The following PCDHA4 variants were observed in gnomAD, a reference collection of about 807,000 sequenced individuals.
PCDHA4 encodes protocadherin alpha-4.
A neutral mutation model predicts 61.4 loss-of-function variants in PCDHA4; 49 were observed. That is an observed-to-expected ratio of 0.80 (90% CI 0.63 to 1.01). PCDHA4 has a LOEUF of 1.01. Ranked by LOEUF, PCDHA4 falls within the 50% of genes least tolerant of loss-of-function variation. PCDHA4 has a pLI of 0.00. For synonymous variants in PCDHA4, 590 were observed against 550.3 expected, an observed-to-expected ratio of 1.07 and a Z score of -1.01; for missense variants, 1,254 against 1,235.8, an observed-to-expected ratio of 1.01 and a Z score of -0.22.
intron 1 of PCDHA4, chr5:140,870,552 G>C: frequency 6.2e-7 from 1 of 1,614,042 alleles, no homozygotes; most frequent in Non-Finnish European, 8.5e-7. Flanking sequence ...ACGCGGACGC[G>C]CAGGAGAACG....
At chr5:140,877,177 C>A (rs1554169414) in intron 1 of PCDHA4, 1 of 1,613,802 alleles carries the variant, frequency 6.2e-7, no homozygotes. Context: ...GCTGGCGACT[C>A]CGGCTGGCAG....
At chr5:140,899,713 T>G (rs1336302647) in intron 1 of PCDHA4, among the ~76,000 whole-genome samples, 1 of 152,210 alleles carries the variant, frequency 6.6e-6, no homozygotes, top group Non-Finnish European at 1.5e-5. Context: ...TTAGGGAGGA[T>G]TCCCTCTTTT....
rs1554231011 is a variant in PCDHA4 at position 140,968,738 on chromosome 5, C to G, written c.2386-10211C>G. 10 of 1,614,040 alleles carry G rather than the reference C, an allele frequency of 6.2e-6. No individual in the cohort carries two copies. The Admixed American group carries it at 6.7e-5, about 11-fold the overall frequency. On this transcript the variant is annotated intron_variant, in intron 1 of 3. Transcript: ENST00000530339. ...AGATGAGAGTGGTAGCACTTTCAAC[C>G]TGACCGTGGTGGTCCGAGATAATGG...
rs1333608076 is a variant in PCDHA4, at chr5:140,848,470, A to C, written c.2385+38898A>C. Reference sequence around the variant, plus strand: ...TTCTAATTTGGAGGCAATTTTCACTAATTAGAAGAAGACTGAGTATTTGAA... The same window carrying C: ...TTCTAATTTGGAGGCAATTTTCACTCATTAGAAGAAGACTGAGTATTTGAA... On this transcript the variant is annotated intron_variant, in intron 1 of 3. Coordinates refer to ENST00000530339, the MANE Select transcript of PCDHA4 (RefSeq NM_018907.4). 3 of 1,552,738 alleles carry C rather than the reference A, an allele frequency of 1.9e-6. No individual in the cohort carries two copies. In the East Asian group the frequency reaches 6.7e-5, roughly 35 times the overall value.
At chr5:140,861,615 C>G (rs2046996028) in intron 1 of PCDHA4, 1 of 348,276 alleles carries the variant, frequency 2.9e-6, no homozygotes, top group African/African-American at 2.1e-5. Context: ...TAAAGACAAC[C>G]TGCCAGTGTT....
At chr5:140,863,619 G>T (rs929497963) in intron 1 of PCDHA4, 8 of 333,052 alleles carry the variant, frequency 2.4e-5, no homozygotes, top group South Asian at 1.3e-4. Context: ...CCCTCATAGT[G>T]ACATTGATAA....
rs80155737 is a variant in PCDHA4, at chr5:140,924,458, T to C, written c.2386-54491T>C. Among the ~76,000 whole-genome samples, 1,228 of 152,310 alleles carry C rather than the reference T, an allele frequency of 8.1e-3. 6 individuals are homozygous for C. Among genetic ancestry groups the C allele is most frequent in the African/African-American group, 0.019 (794 of 41,566 alleles). On this transcript the variant is annotated intron_variant, in intron 1 of 3. Coordinates refer to ENST00000530339, the MANE Select transcript of PCDHA4 (RefSeq NM_018907.4). The stretch of plus-strand genomic sequence containing the variant: ...GAGATAACGAATGGGTTTGTGTGTT[T>C]AGGGAGGTAACTGGTTTTTAGTGGA...
intron 1 of PCDHA4, chr5:140,850,632 C>G: frequency 6.3e-7 from 1 of 1,598,646 alleles, no homozygotes; most frequent in Non-Finnish European, 8.6e-7. Context: ...CCTGTTGGTT[C>G]TCACGCTGCT....
intron 1 of PCDHA4, among the ~76,000 whole-genome samples, chr5:140,940,236 A>G (rs1487572447): frequency 1.3e-5 from 2 of 152,200 alleles, no homozygotes; most frequent in East Asian, 3.8e-4. Flanking sequence ...TTGGTACATT[A>G]AAGTTACCTC....
chr5:140,993,519 GAGAC>G (rs1554253814), intron 3 of PCDHA4, among the ~76,000 whole-genome samples: 1 of 151,288 alleles, frequency 6.6e-6, no homozygotes, highest in Non-Finnish European at 1.5e-5. Context: ...CGGGGAGAGA[GAGAC>G]AGAGAGAGAG....
chr5:140,948,005 T>G (rs246049), intron 1 of PCDHA4, among the ~76,000 whole-genome samples: 85,182 of 151,072 alleles, frequency 0.56, 24,606 homozygotes, highest in African/African-American at 0.69. Flanking sequence ...TTATTAAATT[T>G]AGGAAGTACC....
chr5:140,887,045 T>C (rs2061271952), intron 1 of PCDHA4, among the ~76,000 whole-genome samples: 1 of 152,108 alleles, frequency 6.6e-6, no homozygotes, highest in Non-Finnish European at 1.5e-5. Context: ...TTTTTTATAG[T>C]GCATATGTTC....
At chr5:140,854,994 G>A (rs1261400565) in intron 1 of PCDHA4, among the ~76,000 whole-genome samples, 3 of 149,538 alleles carry the variant, frequency 2.0e-5, no homozygotes, top group Non-Finnish European at 4.5e-5. Context: ...CTTTTTGCCC[G>A]TGTAAGATAT....
At chr5:140,948,897 T>G (rs1487067374) in intron 1 of PCDHA4, among the ~76,000 whole-genome samples, 4 of 151,680 alleles carry the variant, frequency 2.6e-5, no homozygotes, top group Non-Finnish European at 5.9e-5. Flanking sequence ...AGATTTTAAG[T>G]GGATTCTTAG....
At chr5:140,892,552 T>A (rs1041756319) in intron 1 of PCDHA4, among the ~76,000 whole-genome samples, 1 of 152,222 alleles carries the variant, frequency 6.6e-6, no homozygotes, top group East Asian at 1.9e-4. Flanking sequence ...GTTTCTCTAG[T>A]CCTTGGAGAC....
At chr5:140,885,274 AT>A (rs2153409165) in intron 1 of PCDHA4, among the ~76,000 whole-genome samples, 1 of 152,248 alleles carries the variant, frequency 6.6e-6, no homozygotes, top group South Asian at 2.1e-4. Context: ...ATACATATAT[AT>A]ATACATATAT....
At chr5:140,945,372 T>C (rs1554216918) in intron 1 of PCDHA4, among the ~76,000 whole-genome samples, 1 of 152,088 alleles carries the variant, frequency 6.6e-6, no homozygotes, top group Non-Finnish European at 1.5e-5. Flanking sequence ...AATGTCCATA[T>C]TACCCAAAGC....
intron 1 of PCDHA4, chr5:140,966,939 TG>T: frequency 1.2e-6 from 2 of 1,604,434 alleles, no homozygotes; most frequent in Non-Finnish European, 1.7e-6. Flanking sequence ...GGCGCGCTCG[TG>T]GGCAACGTGG....
At chr5:140,927,889 G>T (rs1554205185) in intron 1 of PCDHA4, 1 of 1,614,226 alleles carries the variant, frequency 6.2e-7, no homozygotes, top group Non-Finnish European at 8.5e-7. Context: ...GGTGACTGAC[G>T]TGAACGATCA....
Sources: allele counts gnomAD v4.1 joint callset (sites outside exome capture counted in the v4.1 genomes callset), GRCh38; gene constraint gnomAD v4.1.1; transcripts MANE v1.5; gene names NCBI Gene and HGNC (gene_info 2026-07-23, HGNC 2026-07-21).